Variants in ZBTB7C observed in about 807,000 individuals in gnomAD.
ZBTB7C encodes the protein zinc finger and BTB domain containing 7C, also known as zinc finger and BTB domain-containing protein 7C.
Under a neutral mutation model 25.7 loss-of-function variants are expected in ZBTB7C, and 8 were observed. The ratio of observed to expected loss-of-function variants is 0.31; its 90% CI spans 0.18 to 0.56. ZBTB7C has a LOEUF of 0.56. Ranked by LOEUF, ZBTB7C falls within the 20% of genes least tolerant of loss-of-function variation. The pLI is 0.91. For missense variants in ZBTB7C, 824 were observed against 855.2 expected, an observed-to-expected ratio of 0.96 and a Z score of 0.46; for synonymous variants, 394 against 369.0, an observed-to-expected ratio of 1.07 and a Z score of -0.78.
intron 1 of ZBTB7C, among the ~76,000 whole-genome samples, chr18:48,358,474 C>A (rs1026438287): frequency 6.6e-6 from 1 of 152,236 alleles, no homozygotes; most frequent in South Asian, 2.1e-4. Context: ...TGAGGCCTCA[C>A]CAGAAGCAGA....
intron 1 of ZBTB7C, among the ~76,000 whole-genome samples, chr18:48,394,919 G>A (rs78187894): frequency 6.7e-4 from 102 of 152,268 alleles, no homozygotes; most frequent in African/African-American, 2.4e-3. Context: ...AAATCAGCGC[G>A]CACATACTAA....
intron 2 of ZBTB7C, among the ~76,000 whole-genome samples, chr18:48,296,775 G>A (rs1380203904): frequency 1.3e-5 from 2 of 151,714 alleles, no homozygotes; most frequent in African/African-American, 4.8e-5. Flanking sequence ...GTGAGCGGCG[G>A]GTGGAGCCAG....
intron 3 of ZBTB7C, among the ~76,000 whole-genome samples, chr18:48,138,499 A>G (rs1052217137): frequency 3.9e-5 from 6 of 152,144 alleles, no homozygotes; most frequent in South Asian, 2.1e-4. Flanking sequence ...CATTTCCACA[A>G]TAGACTAGAA....
chr18:48,035,059 TGCCA>T (rs1229404946), intron 4 of ZBTB7C, among the ~76,000 whole-genome samples: 1 of 152,178 alleles, frequency 6.6e-6, no homozygotes, highest in Non-Finnish European at 1.5e-5. Context: ...TTCCCAGAGC[TGCCA>T]GGAGTGGGAG....
intron 2 of ZBTB7C, among the ~76,000 whole-genome samples, chr18:48,187,563 T>C (rs548495372): frequency 5.5e-4 from 84 of 152,264 alleles, no homozygotes; most frequent in African/African-American, 1.7e-3. Context: ...CTTGTAATCC[T>C]AGCACTTTGG....
At chr18:48,332,110 C>T (rs532809231) in intron 2 of ZBTB7C, among the ~76,000 whole-genome samples, 18 of 152,324 alleles carry the variant, frequency 1.2e-4, no homozygotes, top group African/African-American at 3.4e-4. Context: ...TGGCTTGAAT[C>T]AGGATTCAAA....
At chr18:48,179,948 T>G (rs2041854777) in intron 3 of ZBTB7C, among the ~76,000 whole-genome samples, 1 of 37,230 alleles carries the variant, frequency 2.7e-5, no homozygotes, top group Non-Finnish European at 5.4e-5. Flanking sequence ...CTTCCTTCCT[T>G]CCCTGCTTCC....
chr18:48,123,518 T>C (rs2039698442), intron 3 of ZBTB7C, among the ~76,000 whole-genome samples: 1 of 152,220 alleles, frequency 6.6e-6, no homozygotes, highest in African/African-American at 2.4e-5. Context: ...CAGAGGTCCC[T>C]GTGGGGTTGG....
intron 3 of ZBTB7C, among the ~76,000 whole-genome samples, chr18:48,057,010 C>T (rs2036939124): frequency 7.8e-6 from 1 of 127,504 alleles, no homozygotes; most frequent in Non-Finnish European, 1.6e-5. Flanking sequence ...CCATGTGTCA[C>T]CAAATCAGGA....
chr18:48,232,176 A>G (rs909786301), intron 2 of ZBTB7C, among the ~76,000 whole-genome samples: 4 of 152,230 alleles, frequency 2.6e-5, no homozygotes, highest in Non-Finnish European at 5.9e-5. Context: ...TTCCAGCCAG[A>G]AAAGTAACAC....
chr18:48,037,549 C>T (rs925252791), intron 4 of ZBTB7C, among the ~76,000 whole-genome samples: 2 of 152,246 alleles, frequency 1.3e-5, no homozygotes, highest in Admixed American at 1.3e-4. Flanking sequence ...AAACAGGGTG[C>T]ACAGACTGTC....
intron 4 of ZBTB7C, among the ~76,000 whole-genome samples, chr18:48,032,378 G>A (rs1397236008): frequency 1.4e-5 from 2 of 139,938 alleles, no homozygotes; most frequent in Non-Finnish European, 3.0e-5. Flanking sequence ...GCCTCCCAAA[G>A]TGTTAGGATT....
chr18:48,327,339 G>A (rs1227464132), intron 2 of ZBTB7C, among the ~76,000 whole-genome samples: 5 of 152,154 alleles, frequency 3.3e-5, no homozygotes, highest in South Asian at 2.1e-4. Flanking sequence ...TGTACTAAGC[G>A]CAGTGTTCAA....
At chr18:48,143,985 A>G (rs2040425672) in intron 3 of ZBTB7C, among the ~76,000 whole-genome samples, 1 of 152,220 alleles carries the variant, frequency 6.6e-6, no homozygotes, top group Non-Finnish European at 1.5e-5. Context: ...AGTAGTCCTG[A>G]ATAGTCTTTA....
At chr18:48,146,073 T>C (rs999444779) in intron 3 of ZBTB7C, among the ~76,000 whole-genome samples, 1 of 152,214 alleles carries the variant, frequency 6.6e-6, no homozygotes, top group Admixed American at 6.5e-5. Flanking sequence ...ATTTTTTGTT[T>C]AGATACTTGC....
At chr18:48,411,288 T>C (rs2048382631), upstream of ZBTB7C, among the ~76,000 whole-genome samples, 1 of 152,240 alleles carries the variant, frequency 6.6e-6, no homozygotes, top group South Asian at 2.1e-4. Context: ...TGGACAGCCA[T>C]CTTATCCAAA....
chr18:48,358,902 C>T (rs1378563887), intron 1 of ZBTB7C, among the ~76,000 whole-genome samples: 1 of 152,162 alleles, frequency 6.6e-6, no homozygotes, highest in Admixed American at 6.5e-5. Context: ...TCCCGGTTTC[C>T]TCCTCCCTTA....
At chr18:48,243,420 G>A (rs1944581) in intron 2 of ZBTB7C, among the ~76,000 whole-genome samples, 44,371 of 151,804 alleles carry the variant, frequency 0.29, 6,893 homozygotes, top group African/African-American at 0.39. Flanking sequence ...CCCCTTTTAC[G>A]AAAGCTGCAA....
At chr18:48,411,507 A>G (rs770694799), upstream of ZBTB7C, among the ~76,000 whole-genome samples, 4 of 152,198 alleles carry the variant, frequency 2.6e-5, no homozygotes, top group Non-Finnish European at 5.9e-5. Flanking sequence ...CCTTCATTAA[A>G]GGGTTTTCAG....
Sources: allele counts gnomAD v4.1 joint callset (sites outside exome capture counted in the v4.1 genomes callset), GRCh38; gene constraint gnomAD v4.1.1; transcripts MANE v1.5; gene names NCBI Gene and HGNC (gene_info 2026-07-23, HGNC 2026-07-21).